Variants in ATF6 observed in about 807,000 individuals in gnomAD.
The protein encoded by ATF6 is activating transcription factor 6, also known as cyclic AMP-dependent transcription factor ATF-6 alpha.
Under a neutral mutation model 83.6 loss-of-function variants are expected in ATF6, and 53 were observed. The observed-to-expected ratio is 0.63, with a 90% confidence interval of 0.51 to 0.80. ATF6 has a LOEUF of 0.80. ATF6 is among the 30% of genes least tolerant of loss of function. ATF6 has a pLI of 0.00. For missense variants in ATF6, 744 were observed against 797.9 expected, an observed-to-expected ratio of 0.93 and a Z score of 0.81; for synonymous variants, 288 against 285.8, an observed-to-expected ratio of 1.01 and a Z score of -0.08.
intron 9 of ATF6, among the ~76,000 whole-genome samples, chr1:161,840,746 A>G (rs1300679860): frequency 1.3e-5 from 2 of 152,204 alleles, no homozygotes; most frequent in African/African-American, 4.8e-5. Flanking sequence ...TTATTAATCC[A>G]TGCTTTTCAG....
intron 14 of ATF6, among the ~76,000 whole-genome samples, chr1:161,864,326 C>T (rs1159257784): frequency 6.6e-6 from 1 of 152,192 alleles, no homozygotes; most frequent in Non-Finnish European, 1.5e-5. Flanking sequence ...CAACTTTTCA[C>T]ACATGTAGAT....
intron 15 of ATF6, among the ~76,000 whole-genome samples, chr1:161,956,591 C>T (rs1430851007): frequency 4.6e-5 from 7 of 152,190 alleles, no homozygotes; most frequent in African/African-American, 1.2e-4. Flanking sequence ...TCCATAACAG[C>T]GGTCTTAAAG....
intron 9 of ATF6, among the ~76,000 whole-genome samples, chr1:161,835,053 A>T (rs1319083537): frequency 6.6e-6 from 1 of 152,076 alleles, no homozygotes; most frequent in African/African-American, 2.4e-5. Flanking sequence ...TATAACCTGA[A>T]TTGTCTTTAA....
At chr1:161,846,656 C>T in intron 10 of ATF6, 76 bp downstream of exon 10, 3 of 1,391,850 alleles carry the variant, frequency 2.2e-6, no homozygotes, top group Non-Finnish European at 2.9e-6. Flanking sequence ...TGTAGTATAA[C>T]ATTGCATCTA....
At position 161,873,287 on chromosome 1, in the gene ATF6, T is replaced by C. The variant is rs1480488559; in HGVS notation, c.1719+9975T>C. On this transcript the variant is annotated intron_variant, in intron 14 of 15. Coordinates refer to ENST00000367942, the MANE Select transcript of ATF6 (RefSeq NM_007348.4). The stretch of plus-strand genomic sequence containing the variant: ...TATAGAACTATTTCTCATTTAATTA[T>C]ATGTAAATGGTTTTATAATTTTTTC... Among the ~76,000 whole-genome samples, 2 of 151,610 alleles carry C rather than the reference T, an allele frequency of 1.3e-5. 1 individual carries two copies. The highest frequency in any genetic ancestry group is 3.9e-4 in the East Asian group (2 of 5,192).
At chr1:161,924,880 T>A (rs938440579) in intron 15 of ATF6, among the ~76,000 whole-genome samples, 7 of 152,202 alleles carry the variant, frequency 4.6e-5, no homozygotes, top group African/African-American at 1.7e-4. Flanking sequence ...TACAAAGTTA[T>A]CCATGGTAAC....
At chr1:161,808,528 G>A (rs1298368754) in intron 7 of ATF6, among the ~76,000 whole-genome samples, 1 of 152,046 alleles carries the variant, frequency 6.6e-6, no homozygotes, top group African/African-American at 2.4e-5. Context: ...GATCTGTTCA[G>A]ATCAGTACTA....
chr1:161,796,384 A>G lies in ATF6; in HGVS notation c.688+4057A>G, dbSNP rs575623192. ...TAATTTTAAACTCAGAGGATGTAGA[A>G]CATGGCTTCCTATAATACTCTTCTC... On this transcript the variant is annotated intron_variant, in intron 6 of 15. Transcript: ENST00000367942. Among the ~76,000 whole-genome samples, 23 of 152,320 alleles carry G rather than the reference A, an allele frequency of 1.5e-4. 1 individual carries two copies. The highest frequency in any genetic ancestry group is 1.3e-3 in the Admixed American group (20 of 15,302).
chr1:161,889,318 A>G (rs997467627), intron 14 of ATF6, among the ~76,000 whole-genome samples: 2 of 152,196 alleles, frequency 1.3e-5, no homozygotes, highest in African/African-American at 4.8e-5. Flanking sequence ...GACCTTTCCC[A>G]GTTTTCCATG....
intron 9 of ATF6, among the ~76,000 whole-genome samples, chr1:161,829,189 C>CATTTTTTTTTTT (rs1685981294): frequency 1.4e-5 from 1 of 72,588 alleles, no homozygotes; most frequent in Admixed American, 2.2e-4. Context: ...TAATGGGAGA[C>CATTTTTTTTTTT]TTTTTTTTTT....
At chr1:161,940,189 C>T (rs1432003236) in intron 15 of ATF6, among the ~76,000 whole-genome samples, 1 of 152,132 alleles carries the variant, frequency 6.6e-6, no homozygotes, top group Non-Finnish European at 1.5e-5. Context: ...ATCCATCTGC[C>T]AATCCTATTA....
intron 6 of ATF6, 99 bp downstream of exon 6, chr1:161,792,426 G>A (rs777679935): frequency 1.5e-5 from 18 of 1,172,576 alleles, no homozygotes; most frequent in Middle Eastern, 2.0e-4. Context: ...TTCTGAGCAC[G>A]TGCTGTTTGT....
At chr1:161,908,818 A>G (rs2341475) in intron 14 of ATF6, among the ~76,000 whole-genome samples, 100,527 of 152,044 alleles carry the variant, frequency 0.66, 36,082 homozygotes, top group Middle Eastern at 0.81. Flanking sequence ...TATTTTAAAC[A>G]ATTTAATTGG....
chr1:161,848,549 A>C (rs1686536085), intron 10 of ATF6, among the ~76,000 whole-genome samples: 1 of 152,158 alleles, frequency 6.6e-6, no homozygotes, highest in African/African-American at 2.4e-5. Context: ...GCATATAAAT[A>C]GTATGACCAT....
intron 9 of ATF6, among the ~76,000 whole-genome samples, chr1:161,829,189 C>CTTTTTTTTTTTTTTTTTTTTTTT (rs35619050): frequency 1.1e-4 from 8 of 72,596 alleles, no homozygotes; most frequent in African/African-American, 1.6e-4. Flanking sequence ...TAATGGGAGA[C>CTTTTTTTTTTTTTTTTTTTTTTT]TTTTTTTTTT....
intron 9 of ATF6, among the ~76,000 whole-genome samples, chr1:161,829,314 C>CT (rs1283875652): frequency 6.7e-6 from 1 of 148,812 alleles, no homozygotes. Flanking sequence ...TAATGGGAGA[C>CT]TTTAACACCC....
chr1:161,811,874 A>AT (rs1165616442), intron 7 of ATF6, among the ~76,000 whole-genome samples: 1 of 152,116 alleles, frequency 6.6e-6, no homozygotes, highest in Non-Finnish European at 1.5e-5. Context: ...TTCAGTGTGC[A>AT]TTTTCTAAGA....
At chr1:161,821,317 C>G (rs1685755410) in intron 9 of ATF6, among the ~76,000 whole-genome samples, 156 bp downstream of exon 9, 1 of 151,972 alleles carries the variant, frequency 6.6e-6, no homozygotes. Context: ...ATCTCATGAT[C>G]CAGCTGGGAG....
In ATF6 at chr1:161,791,276, C is replaced by A. The variant is rs943484488; in HGVS notation, c.355-132C>A. ...TCACTTATTACTTAATATATATATA[C>A]AGTTTCTAATATACCTTTCCTTTGA... On this transcript the variant is annotated intron_variant, in intron 4 of 15. Transcript: ENST00000367942. The A allele has an allele frequency of 1.7e-5, 10 of 580,314 alleles. No homozygotes were observed. The African/African-American group carries it at 1.9e-4, about 11-fold the overall frequency. The allele number at this position is 580,314 out of a possible 1,614,324, so 35.9% of individuals were successfully genotyped here.
Sources: allele counts gnomAD v4.1 joint callset (sites outside exome capture counted in the v4.1 genomes callset), GRCh38; gene constraint gnomAD v4.1.1; transcripts MANE v1.5; gene names NCBI Gene and HGNC (gene_info 2026-07-23, HGNC 2026-07-21).